SRRD: variants seen among roughly 807,000 people sequenced by gnomAD.
SRRD encodes SRR1 domain containing, also known as SRR1-like protein.
A neutral mutation model predicts 30.7 loss-of-function variants in SRRD; 28 were observed. The observed-to-expected ratio is 0.91, with a 90% CI of 0.68 to 1.25. The LOEUF (loss-of-function observed/expected upper bound fraction) is 1.25. Ranked by LOEUF, SRRD falls within the 50% of genes most tolerant of loss-of-function variation. The pLI, the probability that SRRD is intolerant of heterozygous loss-of-function variation, is 0.00. For missense variants in SRRD, 415 were observed against 417.3 expected (o/e 0.99, Z 0.05); for synonymous variants, 161 against 159.6 (o/e 1.01, Z -0.07).
chr22:26,485,689 G>T (rs949682630), intron 1 of SRRD, among the ~76,000 whole-genome samples: 2 of 152,146 alleles, frequency 1.3e-5, no homozygotes, highest in African/African-American at 4.8e-5. Context: ...GGAAACTAAA[G>T]CTCAGAAAGG....
intron 2 of SRRD, 95 bp downstream of exon 2, chr22:26,486,158 T>G: frequency 6.6e-7 from 1 of 1,516,186 alleles, no homozygotes; most frequent in South Asian, 1.1e-5. Context: ...GATAACTTGC[T>G]GGGTTCTAAC....
At chr22:26,491,330 TAAA>T in intron 6 of SRRD, 130 bp from the exon 7 acceptor site, 2 of 805,012 alleles carry the variant, frequency 2.5e-6, no homozygotes, top group Non-Finnish European at 4.0e-6. Flanking sequence ...CAAAAGCATT[TAAA>T]TCAAAATACC....
chr22:26,489,766 A>T (rs1161031191), intron 4 of SRRD, among the ~76,000 whole-genome samples: 1 of 152,160 alleles, frequency 6.6e-6, no homozygotes, highest in East Asian at 1.9e-4. Flanking sequence ...TCATAGACCC[A>T]GGAAGCCCCT....
In SRRD at chr22:26,486,030, C is replaced by G. The variant is rs748483462; in HGVS notation, c.217C>G (p.Leu73Val). 11 of 1,614,028 alleles carry G rather than the reference C, an allele frequency of 6.8e-6. No homozygotes were observed. In the African/African-American group the frequency reaches 1.3e-4, roughly 20 times the overall value. Residue 73 changes from leucine (L) to valine (V), a missense_variant, in exon 2 of 7, where the codon CTG (leucine) becomes GTG (valine). Coordinates refer to ENST00000215917, the MANE Select transcript of SRRD (RefSeq NM_001013694.3). ...CATTTTTTTTCTCAACAGGAAGGAC[C>G]TGTTTATCTCTGATTTCTGGAGTTC... ...LRRIWEAEKDLFISDFWSSAL... is the reference protein window; with the variant it reads ...LRRIWEAEKDVFISDFWSSAL...
Position 26,492,669 on chromosome 22 carries a change from GCCACTCTTCTGTTC to G in SRRD, c.*1002_*1015del, listed in dbSNP as rs1430910715. On this transcript the variant is annotated 3_prime_UTR_variant, in exon 7 of 7. Coordinates refer to ENST00000215917, the MANE Select transcript of SRRD (RefSeq NM_001013694.3). ...TGGAAACATTAACAGAGAGTCCTCAGCCACTCTTCTGTTCCCACCTTGCTCTGTAGAGTTTCCAT... is the reference window on the plus strand; with the variant it reads ...TGGAAACATTAACAGAGAGTCCTCAGCCACCTTGCTCTGTAGAGTTTCCAT... The G allele has an allele frequency of 5.6e-6, 2 of 355,098 alleles. No homozygotes were observed. Among genetic ancestry groups the G allele is most frequent in the East Asian group, 1.3e-4 (2 of 15,876 alleles). 22.0% of individuals were successfully genotyped at this position (355,098 alleles called of 1,614,324 possible).
At position 26,483,994 on chromosome 22, in the gene SRRD, GGGGGAGAGAGGCGGCGCCCC is replaced by G; in HGVS notation, c.109_128del (p.Arg37GlufsTer15). 2.1e-5 allele frequency: 1 copy of G among 46,708 alleles called. No individual in the cohort carries two copies. The highest frequency in any genetic ancestry group is 4.8e-4 in the South Asian group (1 of 2,082). 2.9% of individuals were successfully genotyped at this position (46,708 alleles called of 1,614,324 possible). On this transcript the variant is annotated frameshift_variant, in exon 1 of 7. Transcript: ENST00000215917. LOFTEE classifies it high-confidence loss of function. Reference sequence around the variant, plus strand: ...CCGCGGCGGAGGGAGGCGGCGCCCCGGGGGAGAGAGGCGGCGCCCCGGGGGAGAGAGGCGGCGCCCCGGGG... The same window carrying G: ...CCGCGGCGGAGGGAGGCGGCGCCCCGGGGGGAGAGAGGCGGCGCCCCGGGG...
At chr22:26,486,700 T>G (rs2091711120) in intron 2 of SRRD, among the ~76,000 whole-genome samples, 1 of 152,122 alleles carries the variant, frequency 6.6e-6, no homozygotes, top group African/African-American at 2.4e-5. Context: ...TATACATAAT[T>G]TTGCAATGAG....
At chr22:26,491,381 C>T in intron 6 of SRRD, 82 bp from the exon 7 acceptor site, 1 of 1,116,532 alleles carries the variant, frequency 9.0e-7, no homozygotes, top group East Asian at 2.4e-5. Context: ...GTGGGGATGA[C>T]AAGTAAAGTG....
intron 5 of SRRD, chr22:26,490,721 G>A (rs1000903600): frequency 6.3e-5 from 20 of 315,550 alleles, no homozygotes; most frequent in Non-Finnish European, 9.5e-5. Context: ...ACACCAGGAC[G>A]CCCGGCTGAT....
intron 5 of SRRD, 39 bp from the exon 6 acceptor site, chr22:26,490,986 T>TG (rs1569152633): frequency 1.4e-6 from 2 of 1,435,206 alleles, no homozygotes; most frequent in South Asian, 2.4e-5. Context: ...CTAATCATGG[T>TG]GTTTTTTTTT....
At chr22:26,490,255 A>G (rs1921004067) in intron 5 of SRRD, 57 bp downstream of exon 5, 1 of 1,573,290 alleles carries the variant, frequency 6.4e-7, no homozygotes, top group Non-Finnish European at 8.7e-7. Flanking sequence ...CATACCTCAG[A>G]TTGACCCACA....
intron 5 of SRRD, among the ~76,000 whole-genome samples, chr22:26,490,559 C>CCTTTTTTTTT (rs1182177256): frequency 3.9e-5 from 2 of 51,834 alleles, no homozygotes; most frequent in Non-Finnish European, 3.4e-5. Context: ...GGAATATTTG[C>CCTTTTTTTTT]TTTTTTTTTT....
Position 26,492,197 on chromosome 22 carries a change from A to G in SRRD, c.*525A>G. ...GTTGTGCTCCTCAGCCTTGGTCTCAATGAGGTCCTTAAAGTTCATGGGCAC... is the reference window on the plus strand; with the variant it reads ...GTTGTGCTCCTCAGCCTTGGTCTCAGTGAGGTCCTTAAAGTTCATGGGCAC... On this transcript the variant is annotated 3_prime_UTR_variant, in exon 7 of 7. Transcript: ENST00000215917. 4 of 1,614,192 alleles carry G rather than the reference A, an allele frequency of 2.5e-6. No homozygotes were observed. Among genetic ancestry groups the G allele is most frequent in the Non-Finnish European group, 3.4e-6 (4 of 1,180,022 alleles).
Position 26,494,154 on chromosome 22 carries a change from C to A in SRRD, c.*2482C>A, listed in dbSNP as rs1921616165. The A allele has an allele frequency of 1.2e-6, 2 of 1,614,028 alleles. No homozygotes were observed. Among genetic ancestry groups the A allele is most frequent in the East Asian group, 2.2e-5 (1 of 44,892 alleles). On this transcript the variant is annotated 3_prime_UTR_variant, in exon 7 of 7. Transcript: ENST00000215917. Reference sequence around the variant, plus strand: ...CCTCACTTACCAACGTTGGAGGACACCGCCCGGTTCATGATATCAAGTGCC... The same window carrying A: ...CCTCACTTACCAACGTTGGAGGACAACGCCCGGTTCATGATATCAAGTGCC...
At position 26,483,956 on chromosome 22, in the gene SRRD, C is replaced by G. The variant is rs1243345608; in HGVS notation, c.66C>G (p.Ser22=). ...WQAAAPRKRR[S]AARRPRRREA... ...CGGCGGCTCCGCGGAAGAGGCGCTC[C>G]GCGGCTCGACGGCCGCGGCGGAGGG... The change falls in exon 1 of 7, where the codon TCC becomes TCG. Residue 22 remains serine, a synonymous_variant. Coordinates refer to ENST00000215917, the MANE Select transcript of SRRD (RefSeq NM_001013694.3). 32 of 1,366,220 alleles carry G rather than the reference C, an allele frequency of 2.3e-5. No individual in the cohort carries two copies. The South Asian group carries it at 3.0e-4, about 13-fold the overall frequency. The allele number at this position is 1,366,220 out of a possible 1,614,324, so 84.6% of individuals were successfully genotyped here. A position where few individuals can be genotyped will look rare whatever the true frequency, so the allele number is the denominator to read the frequency against.
At chr22:26,484,986 C>T (rs1372575457) in intron 1 of SRRD, among the ~76,000 whole-genome samples, 3 of 152,168 alleles carry the variant, frequency 2.0e-5, no homozygotes, top group African/African-American at 7.2e-5. Flanking sequence ...GGTCAAGAGG[C>T]AGTAATGTCC....
In SRRD at chr22:26,488,467, G is replaced by A. The variant is rs377335366; in HGVS notation, c.588G>A (p.Val196=). Residue 196 remains valine (V), a synonymous_variant, in exon 4 of 7, where the codon GTG becomes GTA. Transcript: ENST00000215917. ...TTGAAGTCCTTAACACCCTTGGTGT[G>A]ACTGTTCTCAGTGAGAACGAGGTAA... The part of the protein sequence containing the change: ...LEIEVLNTLG[V]TVLSENEEGK... 25 of 1,613,818 alleles carry A rather than the reference G, an allele frequency of 1.5e-5. No homozygotes were observed. Among genetic ancestry groups the A allele is most frequent in the African/African-American group, 2.7e-5 (2 of 74,934 alleles).
At position 26,491,679 on chromosome 22, in the gene SRRD, T is replaced by C. The variant is rs372305952; in HGVS notation, c.*7T>C. ...TCCTTCTGCTACTGACTGAACTCGT[T>C]GTGAGGTACTCAGTGTTGGCTGAGG... On this transcript the variant is annotated 3_prime_UTR_variant, in exon 7 of 7. Coordinates refer to ENST00000215917, the MANE Select transcript of SRRD (RefSeq NM_001013694.3). 5.6e-6 allele frequency: 9 copies of C among 1,606,796 alleles called. No homozygotes were observed. Among genetic ancestry groups the C allele is most frequent in the Non-Finnish European group, 7.6e-6 (9 of 1,179,508 alleles).
Position 26,488,374 on chromosome 22 carries a change from C to A in SRRD, c.511-16C>A. 1 of 1,613,582 alleles carries A rather than the reference C, an allele frequency of 6.2e-7. No homozygotes were observed. Among genetic ancestry groups the A allele is most frequent in the Non-Finnish European group, 8.5e-7 (1 of 1,179,446 alleles). On this transcript the variant is annotated splice_polypyrimidine_tract_variant and intron_variant, in intron 3 of 6. Transcript: ENST00000215917. ...GATGTTTGGGTTGAAGTAAACAACT[C>A]ATTCTTCCCTTCTAGATTCCCAGAA... is the stretch of plus-strand genomic sequence containing the variant.
Sources: gnomAD v4.1 joint callset for allele counts (sites outside exome capture counted in the v4.1 genomes callset) on GRCh38, gnomAD v4.1.1 for gene constraint, MANE v1.5 for transcripts, NCBI Gene and HGNC (gene_info 2026-07-23, HGNC 2026-07-21) for gene names.